TBL1XR1: variants seen among roughly 807,000 people sequenced by gnomAD.
TBL1XR1 encodes TBL1X/Y related 1, also known as F-box-like/WD repeat-containing protein TBL1XR1.
A neutral mutation model predicts 66.9 loss-of-function variants in TBL1XR1; 5 were observed. The observed-to-expected ratio is 0.07, with a 90% CI of 0.04 to 0.16. The LOEUF is 0.16. Ranked by LOEUF, TBL1XR1 falls within the 10% of genes least tolerant of loss-of-function variation. TBL1XR1 has a pLI of 1.00. For missense variants in TBL1XR1, 238 were observed against 623.2 expected (o/e 0.38, Z 6.58); for synonymous variants, 210 against 206.0 (o/e 1.02, Z -0.17).
intron 4 of TBL1XR1, among the ~76,000 whole-genome samples, chr3:177,053,321 G>T (rs949945299): frequency 2.6e-5 from 4 of 152,146 alleles, no homozygotes; most frequent in Non-Finnish European, 4.4e-5. Context: ...ACAGGGAGGA[G>T]CATTTGGCTA....
At chr3:177,129,419 A>C (rs1027605702) in intron 1 of TBL1XR1, among the ~76,000 whole-genome samples, 1 of 152,356 alleles carries the variant, frequency 6.6e-6, no homozygotes, top group Non-Finnish European at 1.5e-5. Flanking sequence ...TTAAGATTTC[A>C]CTGAGAACTT....
chr3:177,186,089 GC>G (rs1305042600), intron 1 of TBL1XR1, among the ~76,000 whole-genome samples: 1 of 152,152 alleles, frequency 6.6e-6, no homozygotes, highest in African/African-American at 2.4e-5. Context: ...AGTGACCTCT[GC>G]CAGCAGGACA....
At chr3:177,191,634 G>A (rs1400691451) in intron 1 of TBL1XR1, among the ~76,000 whole-genome samples, 1 of 152,124 alleles carries the variant, frequency 6.6e-6, no homozygotes, top group Non-Finnish European at 1.5e-5. Context: ...GCTCATAGAG[G>A]AACTGAACTT....
At chr3:177,128,231 CA>C (rs534584420) in intron 1 of TBL1XR1, among the ~76,000 whole-genome samples, 48 of 147,080 alleles carry the variant, frequency 3.3e-4, no homozygotes, top group Middle Eastern at 3.4e-3. Flanking sequence ...GAAAAAAAGA[CA>C]AAAAAAAAAT....
At chr3:177,172,432 T>A (rs1733641980) in intron 1 of TBL1XR1, among the ~76,000 whole-genome samples, 1 of 151,526 alleles carries the variant, frequency 6.6e-6, no homozygotes, top group African/African-American at 2.4e-5. Context: ...TAAAAAGGAA[T>A]AAGGGAACTA....
chr3:177,035,842 G>A (rs764692486), intron 12 of TBL1XR1, among the ~76,000 whole-genome samples: 10 of 152,144 alleles, frequency 6.6e-5, no homozygotes, highest in Admixed American at 4.6e-4. Context: ...ACTCCCTGGA[G>A]AGTTCTGTAA....
At chr3:177,166,912 T>C (rs1453897917) in intron 1 of TBL1XR1, among the ~76,000 whole-genome samples, 2 of 152,206 alleles carry the variant, frequency 1.3e-5, no homozygotes, top group Non-Finnish European at 2.9e-5. Flanking sequence ...CACAAAATGG[T>C]ACCGCCACTT....
chr3:177,163,088 T>G (rs1036865870), intron 1 of TBL1XR1, among the ~76,000 whole-genome samples: 1 of 152,202 alleles, frequency 6.6e-6, no homozygotes, highest in Admixed American at 6.5e-5. Context: ...GAATGATCTA[T>G]GTACCAAGGT....
chr3:177,049,891 TA>T (rs1187272996), intron 7 of TBL1XR1, 105 bp downstream of exon 7: 44 of 1,283,692 alleles, frequency 3.4e-5, no homozygotes, highest in Non-Finnish European at 4.4e-5. Context: ...TACTAGTTAA[TA>T]AAACCCCAAA....
intron 1 of TBL1XR1, among the ~76,000 whole-genome samples, chr3:177,126,487 ATCT>A (rs1202162192): frequency 6.6e-6 from 1 of 152,188 alleles, no homozygotes; most frequent in Non-Finnish European, 1.5e-5. Context: ...CAATTAGTAC[ATCT>A]TCTACTAATA....
intron 1 of TBL1XR1, among the ~76,000 whole-genome samples, chr3:177,125,423 G>A (rs964326892): frequency 6.6e-6 from 1 of 152,160 alleles, no homozygotes; most frequent in Admixed American, 6.5e-5. Context: ...ATGAGAAACT[G>A]AAACCCTCAT....
At chr3:177,125,039 G>T (rs1169832163) in intron 1 of TBL1XR1, among the ~76,000 whole-genome samples, 1 of 151,788 alleles carries the variant, frequency 6.6e-6, no homozygotes, top group Non-Finnish European at 1.5e-5. Context: ...ATGCCACCAA[G>T]AGTACAAGAA....
At chr3:177,154,542 G>A (rs537237078) in intron 1 of TBL1XR1, among the ~76,000 whole-genome samples, 3 of 151,978 alleles carry the variant, frequency 2.0e-5, no homozygotes, top group African/African-American at 4.8e-5. Flanking sequence ...GATTACAGAC[G>A]CCCACCACCA....
intron 1 of TBL1XR1, among the ~76,000 whole-genome samples, chr3:177,164,748 T>C (rs1732625938): frequency 6.6e-6 from 1 of 152,186 alleles, no homozygotes; most frequent in South Asian, 2.1e-4. Context: ...AAAATGTCCA[T>C]ACTACCCAAA....
upstream of TBL1XR1, among the ~76,000 whole-genome samples, chr3:177,200,587 A>G (rs1346345979): frequency 2.6e-5 from 4 of 152,234 alleles, no homozygotes; most frequent in Non-Finnish European, 4.4e-5. Context: ...AGAAGGAACT[A>G]TTGTTACTAA....
At chr3:177,043,726 T>C (rs530457218) in intron 10 of TBL1XR1, among the ~76,000 whole-genome samples, 31 of 152,324 alleles carry the variant, frequency 2.0e-4, no homozygotes, top group Admixed American at 2.0e-3. Flanking sequence ...TTAAATTTAC[T>C]GTACTTCTGT....
chr3:177,079,065 G>A (rs942721064), intron 2 of TBL1XR1, among the ~76,000 whole-genome samples: 2 of 152,090 alleles, frequency 1.3e-5, no homozygotes, highest in South Asian at 2.1e-4. Flanking sequence ...CCATGCATTC[G>A]TAGCATAGGC....
chr3:177,129,405 C>A (rs1379989968), intron 1 of TBL1XR1, among the ~76,000 whole-genome samples: 1 of 152,032 alleles, frequency 6.6e-6, no homozygotes. Context: ...AAGAGAAATG[C>A]AAATTAAGAT....
chr3:177,170,794 G>T (rs947479660), intron 1 of TBL1XR1, among the ~76,000 whole-genome samples: 7 of 151,820 alleles, frequency 4.6e-5, no homozygotes, highest in Admixed American at 3.9e-4. Flanking sequence ...TTGTTGAGAC[G>T]AGGTCTCGCC....
Sources: allele counts gnomAD v4.1 joint callset (sites outside exome capture counted in the v4.1 genomes callset), GRCh38; gene constraint gnomAD v4.1.1; transcripts MANE v1.5; gene names NCBI Gene and HGNC (gene_info 2026-07-23, HGNC 2026-07-21).